ZBTB7C: variants seen among roughly 807,000 people sequenced by gnomAD.
ZBTB7C encodes zinc finger and BTB domain-containing protein 7C.
Under a neutral mutation model 25.7 loss-of-function variants are expected in ZBTB7C, and 8 were observed. The ratio of observed to expected loss-of-function variants is 0.31; its 90% CI spans 0.18 to 0.56. The LOEUF (loss-of-function observed/expected upper bound fraction) is 0.56, where lower values mean the gene tolerates loss of function less well. Ranked by LOEUF, ZBTB7C falls within the 20% of genes least tolerant of loss-of-function variation. The pLI is 0.91. For synonymous variants in ZBTB7C, 394 were observed against 369.0 expected (o/e 1.07, Z -0.78); for missense variants, 824 against 855.2 (o/e 0.96, Z 0.46).
chr18:48,051,864 T>G (rs1437694576), intron 3 of ZBTB7C, among the ~76,000 whole-genome samples: 1 of 151,776 alleles, frequency 6.6e-6, no homozygotes, highest in Non-Finnish European at 1.5e-5. Flanking sequence ...GGCAGGCAAA[T>G]CAAATGGTGC....
chr18:48,218,433 G>A (rs1321640222), intron 2 of ZBTB7C, among the ~76,000 whole-genome samples: 2 of 152,248 alleles, frequency 1.3e-5, no homozygotes, highest in Admixed American at 1.3e-4. Flanking sequence ...ACAGGGTGAG[G>A]CCAAAGGCAG....
rs1009370218 is a variant in ZBTB7C, at chr18:48,184,740, C to T, written c.-17+1194G>A. Among the ~76,000 whole-genome samples the T allele has an allele frequency of 5.9e-5, 9 of 152,128 alleles. No homozygotes were observed. The South Asian group carries it at 6.2e-4, about 11-fold the overall frequency. On this transcript the variant is annotated intron_variant, in intron 3 of 4. Transcript: ENST00000590800. The stretch of plus-strand genomic sequence containing the variant: ...TGGGAGTGCTGTATTGGTGACTGTC[C>T]GCCAGGAGCTCAAGATGTGGCCCCA...
At chr18:48,288,707 T>C (rs989168938) in intron 2 of ZBTB7C, among the ~76,000 whole-genome samples, 1 of 152,308 alleles carries the variant, frequency 6.6e-6, no homozygotes, top group African/African-American at 2.4e-5. Flanking sequence ...GGGGATTTAG[T>C]GGCTTCTTCC....
At chr18:48,309,967 G>C (rs9962010) in intron 2 of ZBTB7C, among the ~76,000 whole-genome samples, 76,277 of 151,982 alleles carry the variant, frequency 0.5, 19,973 homozygotes, top group African/African-American at 0.63. Flanking sequence ...CGGTGGCTCA[G>C]GCCTGTAATC....
At chr18:48,194,136 G>A (rs1295540813) in intron 2 of ZBTB7C, among the ~76,000 whole-genome samples, 3 of 152,246 alleles carry the variant, frequency 2.0e-5, no homozygotes, top group African/African-American at 7.2e-5. Context: ...GAGGGCAGAT[G>A]AGCCTGTCCA....
Position 48,366,586 on chromosome 18 carries a change from C to T in ZBTB7C, c.-303-28188G>A, listed in dbSNP as rs74714372. ...CGTAATTATTGTGCATTTACAAACA[C>T]GTACAAGTCCATAAGAAAGGCCAGC... is the stretch of plus-strand genomic sequence containing the variant. On this transcript the variant is annotated intron_variant, in intron 1 of 4. Transcript: ENST00000590800. Among the ~76,000 whole-genome samples, 12 of 152,212 alleles carry T rather than the reference C, an allele frequency of 7.9e-5. No homozygotes were observed. The Middle Eastern group carries it at 0.014, about 173-fold the overall frequency.
intron 3 of ZBTB7C, chr18:48,180,300 T>G (rs574832434): frequency 3.5e-5 from 16 of 456,476 alleles, no homozygotes; most frequent in Non-Finnish European, 4.0e-5. Flanking sequence ...TAGACCTTCT[T>G]GTTGATAAAT....
At chr18:48,053,086 T>G (rs1371148199) in intron 3 of ZBTB7C, among the ~76,000 whole-genome samples, 1 of 152,240 alleles carries the variant, frequency 6.6e-6, no homozygotes, top group East Asian at 1.9e-4. Flanking sequence ...GGTGGGGTTA[T>G]TATTTGACCA....
chr18:48,149,481 C>A (rs2040605021), intron 3 of ZBTB7C: 1 of 152,236 alleles, frequency 6.6e-6, no homozygotes, highest in African/African-American at 2.4e-5. Context: ...AGCCAACCCA[C>A]AGCCCTTCCC....
chr18:48,143,649 C>T (rs2040416150), intron 3 of ZBTB7C, among the ~76,000 whole-genome samples: 1 of 152,116 alleles, frequency 6.6e-6, no homozygotes, highest in Non-Finnish European at 1.5e-5. Flanking sequence ...CCCTCTTGTC[C>T]TTGGGCCCTG....
intron 3 of ZBTB7C, among the ~76,000 whole-genome samples, chr18:48,047,077 T>C (rs111245309): frequency 0.078 from 11,878 of 152,160 alleles, 590 homozygotes; most frequent in Admixed American, 0.13. Flanking sequence ...GTGGCAGGGA[T>C]TGGGAGGGGT....
rs1341866765 is a variant in ZBTB7C, at chr18:48,277,031, A to C, written c.-79+61143T>G. On this transcript the variant is annotated intron_variant, in intron 2 of 4. Coordinates refer to ENST00000590800, the MANE Select transcript of ZBTB7C (RefSeq NM_001318841.2). The stretch of plus-strand genomic sequence containing the variant: ...GATGGATTTAAACGTTAGACCTAAA[A>C]CCATAAAAACCCTAGAAGAAAACCT... Among the ~76,000 whole-genome samples the C allele has an allele frequency of 2.0e-5, 3 of 152,056 alleles. No individual in the cohort carries two copies. The East Asian group carries it at 5.8e-4, about 29-fold the overall frequency.
Position 48,282,464 on chromosome 18 carries a change from TA to T in ZBTB7C, c.-79+55709del, listed in dbSNP as rs573544425. Among the ~76,000 whole-genome samples the T allele has an allele frequency of 7.7e-3, 1,151 of 149,988 alleles. 46 individuals carry two copies. Among genetic ancestry groups the T allele is most frequent in the Admixed American group, 0.063 (955 of 15,060 alleles). ...TACCCTAAAACTTAAAGTATAATAA[TA>T]AAAAAAAAATTTAGTGTTATGACCT... On this transcript the variant is annotated intron_variant, in intron 2 of 4. Transcript: ENST00000590800.
chr18:48,322,090 G>A (rs2046109549), intron 2 of ZBTB7C, among the ~76,000 whole-genome samples: 1 of 152,174 alleles, frequency 6.6e-6, no homozygotes, highest in African/African-American at 2.4e-5. Context: ...AACAAGAGAG[G>A]CCATTTTCCC....
chr18:48,035,230 AAAGC>A (rs1323961446), intron 4 of ZBTB7C, among the ~76,000 whole-genome samples: 1 of 152,246 alleles, frequency 6.6e-6, no homozygotes. Flanking sequence ...GCGGAACTGG[AAAGC>A]GTGCCTTGTC....
At chr18:48,285,543 G>A (rs533191533) in intron 2 of ZBTB7C, among the ~76,000 whole-genome samples, 1 of 152,186 alleles carries the variant, frequency 6.6e-6, no homozygotes, top group South Asian at 2.1e-4. Flanking sequence ...GTAGAGATGA[G>A]GTCTCCCTAT....
chr18:48,370,531 T>C (rs2047364524), intron 1 of ZBTB7C, among the ~76,000 whole-genome samples: 1 of 152,196 alleles, frequency 6.6e-6, no homozygotes, highest in African/African-American at 2.4e-5. Context: ...GGGTGTGATA[T>C]TGTACTATAG....
chr18:48,373,274 G>A (rs77738089), intron 1 of ZBTB7C, among the ~76,000 whole-genome samples: 2,661 of 152,044 alleles, frequency 0.018, 88 homozygotes, highest in African/African-American at 0.061. Context: ...TTTAAAAGGT[G>A]TGGCACCTCC....
At chr18:48,290,915 TGAA>T (rs1168316067) in intron 2 of ZBTB7C, among the ~76,000 whole-genome samples, 2 of 152,222 alleles carry the variant, frequency 1.3e-5, no homozygotes, top group South Asian at 4.1e-4. Context: ...AGCCAATATA[TGAA>T]GTAGTAATCT....
Sources: gnomAD v4.1 joint callset for allele counts (sites outside exome capture counted in the v4.1 genomes callset) on GRCh38, gnomAD v4.1.1 for gene constraint, MANE v1.5 for transcripts, NCBI Gene and HGNC (gene_info 2026-07-23, HGNC 2026-07-21) for gene names.